ST14: variants seen among roughly 807,000 people sequenced by gnomAD.
The protein encoded by ST14 is suppressor of tumorigenicity 14 protein.
Under a neutral mutation model 96.5 loss-of-function variants are expected in ST14, and 40 were observed. The observed-to-expected ratio is 0.41, with a 90% CI of 0.32 to 0.54. The LOEUF (loss-of-function observed/expected upper bound fraction) is 0.54, where lower values mean the gene tolerates loss of function less well. ST14 is among the 20% of genes least tolerant of loss of function. The probability of loss-of-function intolerance (pLI) is 0.17; values close to 1 mark genes in which losing one functional copy is unlikely to be tolerated. For synonymous variants in ST14, 506 were observed against 492.1 expected (o/e 1.03, Z -0.37); for missense variants, 1,066 against 1,188.9 (o/e 0.90, Z 1.52).
chr11:130,184,235 C>T (rs1164159778), intron 1 of ST14, among the ~76,000 whole-genome samples: 1 of 152,188 alleles, frequency 6.6e-6, no homozygotes, highest in East Asian at 1.9e-4. Context: ...AAATTGTACA[C>T]TTAAATATAT....
At chr11:130,177,519 C>T (rs1429252507) in intron 1 of ST14, among the ~76,000 whole-genome samples, 3 of 152,198 alleles carry the variant, frequency 2.0e-5, no homozygotes, top group East Asian at 1.9e-4. Context: ...GCCGATATGG[C>T]GCCATTGCAC....
chr11:130,164,718 C>CTTATTATTATTATTATTA (rs57338069), intron 1 of ST14, among the ~76,000 whole-genome samples: 59 of 141,592 alleles, frequency 4.2e-4, no homozygotes, highest in African/African-American at 1.4e-3. Context: ...CACACCCAGC[C>CTTATTATTATTATTATTA]TTATTATTAT....
intron 15 of ST14, 63 bp from the exon 16 acceptor site, chr11:130,199,888 C>T (rs1953409317): frequency 1.2e-6 from 2 of 1,600,534 alleles, no homozygotes; most frequent in East Asian, 4.5e-5. Flanking sequence ...CACTGCATGT[C>T]CCCTTGTGGT....
intron 9 of ST14, among the ~76,000 whole-genome samples, chr11:130,195,245 CA>C (rs1953348006): frequency 6.6e-6 from 1 of 151,888 alleles, no homozygotes; most frequent in African/African-American, 2.4e-5. Context: ...GACCCTGTCT[CA>C]AAAAACAACA....
chr11:130,209,370 C>T (rs1021038054), intron 17 of ST14, 72 bp from the exon 18 acceptor site: 2 of 1,541,730 alleles, frequency 1.3e-6, no homozygotes, highest in Non-Finnish European at 8.7e-7. Context: ...TCCAATGACC[C>T]GTGGGGAGCG....
chr11:130,173,756 C>G (rs1203927528), intron 1 of ST14, among the ~76,000 whole-genome samples: 5 of 152,188 alleles, frequency 3.3e-5, no homozygotes, highest in Admixed American at 6.5e-5. Flanking sequence ...CCTTGTCACT[C>G]TGTCCCGACC....
chr11:130,210,134 C>T lies in ST14; in HGVS notation c.*311C>T, dbSNP rs11419. ...AGGCGCGTTTGTGCATATCTGCCTC[C>T]CCTGTCTCTAAGGAGCAGCGGGAAC... On this transcript the variant is annotated 3_prime_UTR_variant, in exon 19 of 19. Coordinates refer to ENST00000278742, the MANE Select transcript of ST14 (RefSeq NM_021978.4). 1 of 345,582 alleles carries T rather than the reference C, an allele frequency of 2.9e-6. No homozygotes were observed. The highest frequency in any genetic ancestry group is 3.6e-5 in the South Asian group (1 of 27,804). 21.4% of individuals were successfully genotyped at this position (345,582 alleles called of 1,614,324 possible). A position where few individuals can be genotyped will look rare whatever the true frequency, so the allele number is the denominator to read the frequency against.
chr11:130,191,122 G>A (rs1953293857), intron 7 of ST14, among the ~76,000 whole-genome samples: 1 of 152,182 alleles, frequency 6.6e-6, no homozygotes, highest in Non-Finnish European at 1.5e-5. Flanking sequence ...AGGCTGAGGC[G>A]GGAGGATCTC....
At position 130,159,999 on chromosome 11, in the gene ST14, G is replaced by T. The variant is rs865979295; in HGVS notation, c.20G>T (p.Arg7Leu). 2.3e-5 allele frequency: 32 copies of T among 1,411,430 alleles called. No individual in the cohort carries two copies. Among genetic ancestry groups the T allele is most frequent in the Non-Finnish European group, 3.0e-5 (32 of 1,073,146 alleles). 87.4% of individuals were successfully genotyped at this position (1,411,430 alleles called of 1,614,324 possible). The stretch of plus-strand genomic sequence containing the variant: ...GGGACCATGGGGAGCGATCGGGCCC[G>T]CAAGGGCGGAGGGGGCCCGAAGGAC... Reference protein sequence around the residue: MGSDRARKGGGGPKDFG... With the variant: MGSDRALKGGGGPKDFG... Residue 7 changes from arginine to leucine, a missense_variant, in exon 1 of 19, where the codon CGC (arginine) becomes CTC (leucine). Arg to Leu is a moderately radical substitution (Grantham distance 102, BLOSUM62 -2). Transcript: ENST00000278742.
intron 7 of ST14, among the ~76,000 whole-genome samples, chr11:130,192,757 G>A (rs1030781346): frequency 3.3e-5 from 5 of 152,120 alleles, no homozygotes; most frequent in Non-Finnish European, 5.9e-5. Flanking sequence ...GGATTATCCC[G>A]TGCATTCAGT....
chr11:130,161,963 T>A (rs979032745), intron 1 of ST14, among the ~76,000 whole-genome samples: 2 of 152,194 alleles, frequency 1.3e-5, no homozygotes, highest in African/African-American at 4.8e-5. Context: ...TGCAGATTCC[T>A]CCCATCCCTG....
At chr11:130,178,694 C>G (rs746350917) in intron 1 of ST14, among the ~76,000 whole-genome samples, 1 of 152,172 alleles carries the variant, frequency 6.6e-6, no homozygotes, top group Non-Finnish European at 1.5e-5. Context: ...GCTTTGTGTT[C>G]CCCTGATGGG....
chr11:130,166,800 C>T (rs1288913330), intron 1 of ST14, among the ~76,000 whole-genome samples: 1 of 152,166 alleles, frequency 6.6e-6, no homozygotes, highest in Non-Finnish European at 1.5e-5. Flanking sequence ...TGCCCAAAGT[C>T]GAAGTGTGCT....
At chr11:130,182,447 C>T (rs1057197491) in intron 1 of ST14, among the ~76,000 whole-genome samples, 5 of 151,662 alleles carry the variant, frequency 3.3e-5, no homozygotes, top group Admixed American at 6.6e-5. Flanking sequence ...CTCAACCTCC[C>T]GAGTAGCCAG....
chr11:130,194,539 G>A lies in ST14; in HGVS notation c.1016-101G>A, dbSNP rs938814173. On this transcript the variant is annotated intron_variant, in intron 8 of 18. Coordinates refer to ENST00000278742, the MANE Select transcript of ST14 (RefSeq NM_021978.4). Reference sequence around the variant, plus strand: ...TGCACCTGCTGTGCAGCATCCACGCGTCCAGGAGGCAGCTCCAGGCCTCAG... The same window carrying A: ...TGCACCTGCTGTGCAGCATCCACGCATCCAGGAGGCAGCTCCAGGCCTCAG... 3.5e-5 allele frequency: 45 copies of A among 1,295,116 alleles called. No individual in the cohort carries two copies. The Middle Eastern group carries it at 6.1e-4, about 18-fold the overall frequency. The allele number at this position is 1,295,116 out of a possible 1,614,324, so 80.2% of individuals were successfully genotyped here.
At position 130,196,225 on chromosome 11, in the gene ST14, T is replaced by C. The variant is rs1447849369; in HGVS notation, c.1114-114T>C. The C allele has an allele frequency of 2.0e-5, 16 of 792,254 alleles. No homozygotes were observed. In the Admixed American group the frequency reaches 3.2e-4, roughly 16 times the overall value. 49.1% of individuals were successfully genotyped at this position (792,254 alleles called of 1,614,324 possible). On this transcript the variant is annotated intron_variant, in intron 9 of 18. Transcript: ENST00000278742. ...GGGAGAACTTTGCAACCTGTCTTGG[T>C]GATGGAAGGCATACCATCTCTCCCT... is the stretch of plus-strand genomic sequence containing the variant.
chr11:130,198,881 GT>G, intron 14 of ST14, 65 bp from the exon 15 acceptor site: 1 of 1,610,972 alleles, frequency 6.2e-7, no homozygotes, highest in East Asian at 2.2e-5. Context: ...GCCATTGGTG[GT>G]TTCTGGCTTC....
rs1019363559 is a variant in ST14 at position 130,174,323 on chromosome 11, G to A, written c.82-13791G>A. On this transcript the variant is annotated intron_variant, in intron 1 of 18. Transcript: ENST00000278742. ...TGTAGGTGTCTTCAAGAAATATCAC[G>A]TCCAATTCTTACAGCCGCTAGGCTT... Among the ~76,000 whole-genome samples, 9 of 152,268 alleles carry A rather than the reference G, an allele frequency of 5.9e-5. No individual in the cohort carries two copies. In the East Asian group the frequency reaches 9.6e-4, roughly 16 times the overall value.
chr11:130,189,785 C>A lies in ST14; in HGVS notation c.487C>A (p.Gln163Lys). ...AYYWSEFSIP[Q>K]HLVEEAERVM... ...CTACTGGTCTGAGTTCAGCATCCCG[C>A]AGCACCTGGTGGAGGAGGCCGAGCG... The change falls in exon 5 of 19, where the codon CAG becomes AAG. Residue 163 changes from glutamine (Q) to lysine (K), a missense_variant. Coordinates refer to ENST00000278742, the MANE Select transcript of ST14 (RefSeq NM_021978.4). The A allele has an allele frequency of 1.2e-6, 2 of 1,613,794 alleles. No homozygotes were observed. The highest frequency in any genetic ancestry group is 1.1e-5 in the South Asian group (1 of 91,092).
Sources: gnomAD v4.1 joint callset for allele counts (sites outside exome capture counted in the v4.1 genomes callset) on GRCh38, gnomAD v4.1.1 for gene constraint, MANE v1.5 for transcripts, NCBI Gene and HGNC (gene_info 2026-07-23, HGNC 2026-07-21) for gene names.